The following CBR4 variants were observed in gnomAD, a reference collection of about 807,000 sequenced individuals.
CBR4 encodes carbonyl reductase 4, also known as 3-oxoacyl-[acyl-carrier-protein] reductase.
CBR4 carries 22 observed loss-of-function variants against 21.0 expected under a neutral mutation model. That is an observed-to-expected ratio of 1.05 (90% confidence interval 0.75 to 1.50). The LOEUF is 1.50. Among genes scored for constraint, CBR4 ranks in the 40% most tolerant of loss-of-function variants. The pLI, the probability that CBR4 is intolerant of heterozygous loss-of-function variation, is 0.00. For synonymous variants in CBR4, 100 were observed against 104.4 expected (o/e 0.96, Z 0.26); for missense variants, 302 against 286.3 (o/e 1.05, Z -0.40).
intron 2 of CBR4, among the ~76,000 whole-genome samples, chr4:168,947,580 C>T (rs1219095849): frequency 6.6e-6 from 1 of 152,182 alleles, no homozygotes; most frequent in Non-Finnish European, 1.5e-5. Flanking sequence ...CTGTGTCATT[C>T]TTATGCCCTT....
chr4:168,955,153 G>C (rs893443937), intron 2 of CBR4, among the ~76,000 whole-genome samples: 1 of 152,194 alleles, frequency 6.6e-6, no homozygotes, highest in Non-Finnish European at 1.5e-5. Context: ...CTATATTGGA[G>C]GATGGCAGGA....
intron 2 of CBR4, among the ~76,000 whole-genome samples, chr4:168,935,462 A>G (rs1763084230): frequency 6.6e-6 from 1 of 152,134 alleles, no homozygotes; most frequent in Non-Finnish European, 1.5e-5. Flanking sequence ...CAAGTGGTCT[A>G]GCTCAGTGGA....
chr4:168,900,452 A>G (rs971032090), intron 2 of CBR4, among the ~76,000 whole-genome samples: 1 of 152,244 alleles, frequency 6.6e-6, no homozygotes, highest in African/African-American at 2.4e-5. Flanking sequence ...AAAAATACAA[A>G]TTTATAAAAT....
chr4:168,932,322 A>AG (rs1762993823), intron 2 of CBR4, among the ~76,000 whole-genome samples: 1 of 152,058 alleles, frequency 6.6e-6, no homozygotes, highest in Admixed American at 6.5e-5. Context: ...GAGCTTCAAC[A>AG]ACAGATTAGA....
At position 168,997,656 on chromosome 4, in the gene CBR4, T is replaced by C. The variant is rs536180075; in HGVS notation, c.535+4415A>G. Reference sequence around the variant, plus strand: ...TCCTTTATCGATTTCTGACTAGCTATAAACTATAAATAGAAACACCTCATT... The same window carrying C: ...TCCTTTATCGATTTCTGACTAGCTACAAACTATAAATAGAAACACCTCATT... On this transcript the variant is annotated intron_variant, in intron 4 of 4. Coordinates refer to ENST00000306193, the MANE Select transcript of CBR4 (RefSeq NM_032783.5). Among the ~76,000 whole-genome samples, 109 of 152,340 alleles carry C rather than the reference T, an allele frequency of 7.2e-4. 3 individuals are homozygous for C. The highest frequency in any genetic ancestry group is 4.7e-4 in the Non-Finnish European group (32 of 68,036).
intron 2 of CBR4, among the ~76,000 whole-genome samples, chr4:168,981,115 C>T (rs1764532380): frequency 6.6e-6 from 1 of 151,898 alleles, no homozygotes; most frequent in South Asian, 2.1e-4. Context: ...TAAGAAAGAA[C>T]CAGGCCAGGC....
intron 2 of CBR4, among the ~76,000 whole-genome samples, chr4:168,972,331 T>C (rs1034504702): frequency 7.2e-5 from 11 of 152,336 alleles, no homozygotes; most frequent in African/African-American, 2.4e-4. Flanking sequence ...GTGATGATAT[T>C]ATGGCAGGAA....
intron 2 of CBR4, among the ~76,000 whole-genome samples, chr4:168,941,173 G>A (rs1353317721): frequency 1.3e-5 from 2 of 152,106 alleles, no homozygotes; most frequent in Non-Finnish European, 2.9e-5. Context: ...ACCACAGCCT[G>A]TCGGGGGTGG....
chr4:168,981,098 G>A (rs1436769548), intron 2 of CBR4, among the ~76,000 whole-genome samples: 1 of 152,046 alleles, frequency 6.6e-6, no homozygotes, highest in Admixed American at 6.6e-5. Context: ...TATGAAAATA[G>A]CCATTTTAAG....
chr4:169,009,968 G>C lies in CBR4; in HGVS notation c.122C>G (p.Ala41Gly), dbSNP rs1377028464. The change falls in exon 1 of 5, where the codon GCC becomes GGC. Residue 41 changes from alanine (A) to glycine (G), a missense_variant. Ala to Gly is a moderately conservative substitution (Grantham distance 60, BLOSUM62 0). Transcript: ENST00000306193. ...VIARNLEGAK[A>G]AAGDLGGDHL... ...CCTACCGCCGAGGTCACCGGCGGCGGCTTTGGCCCCTTCCAGGTTTCTGGC... is the reference window on the plus strand; with the variant it reads ...CCTACCGCCGAGGTCACCGGCGGCGCCTTTGGCCCCTTCCAGGTTTCTGGC... 7 of 1,612,364 alleles carry C rather than the reference G, an allele frequency of 4.3e-6. No homozygotes were observed. Among genetic ancestry groups the C allele is most frequent in the Non-Finnish European group, 5.9e-6 (7 of 1,179,468 alleles).
intron 4 of CBR4, among the ~76,000 whole-genome samples, chr4:168,991,062 G>T (rs1764899075): frequency 1.3e-5 from 2 of 151,946 alleles, no homozygotes; most frequent in Non-Finnish European, 2.9e-5. Flanking sequence ...CTCAAAAAAA[G>T]CAAAACAAAA....
At position 168,898,527 on chromosome 4, in the gene CBR4, T is replaced by C. The variant is rs757164572; in HGVS notation, n.170-3762A>G. 26 of 1,613,418 alleles carry C rather than the reference T, an allele frequency of 1.6e-5. No individual in the cohort carries two copies. Among genetic ancestry groups the C allele is most frequent in the Admixed American group, 3.3e-5 (2 of 60,002 alleles). ...GTCTCCAGCTGTGAACAGAGACTCA[T>C]CAGTGAAATAGAGTACAGGCTAGAA... On this transcript the variant is annotated intron_variant and non_coding_transcript_variant, in intron 2 of 3. Coordinates refer to the CBR4 transcript ENST00000509108.
At chr4:168,920,874 T>C (rs1761338181) in intron 2 of CBR4, among the ~76,000 whole-genome samples, 1 of 152,178 alleles carries the variant, frequency 6.6e-6, no homozygotes, top group Admixed American at 6.5e-5. Context: ...CAGCTGAGTA[T>C]TTGTTATTAT....
rs182271872 is a variant in CBR4 at position 169,004,688 on chromosome 4, C to T, written c.400+2067G>A. Among the ~76,000 whole-genome samples, 6 of 152,248 alleles carry T rather than the reference C, an allele frequency of 3.9e-5. No homozygotes were observed. The South Asian group carries it at 8.3e-4, about 21-fold the overall frequency. On this transcript the variant is annotated intron_variant, in intron 3 of 4. Transcript: ENST00000306193. ...CATTCTTGACATATTCGCTTTATTC[C>T]GGTGGAGCAGAACCAAAGCTACAAT...
intron 4 of CBR4, among the ~76,000 whole-genome samples, chr4:168,999,598 C>G (rs1176191062): frequency 3.1e-5 from 3 of 97,288 alleles, no homozygotes; most frequent in African/African-American, 7.9e-5. Context: ...GTTGTATGCT[C>G]AACAAAAAAG....
chr4:168,943,131 A>G (rs765974814), intron 2 of CBR4, among the ~76,000 whole-genome samples: 1 of 152,196 alleles, frequency 6.6e-6, no homozygotes, highest in Non-Finnish European at 1.5e-5. Flanking sequence ...TATCCAAAAG[A>G]AAGGAAATCA....
intron 2 of CBR4, among the ~76,000 whole-genome samples, chr4:168,914,597 A>T (rs1759719149): frequency 6.6e-6 from 1 of 152,050 alleles, no homozygotes; most frequent in Non-Finnish European, 1.5e-5. Context: ...CACTGATGGA[A>T]CAATGGTAGG....
chr4:168,978,618 C>T (rs1291118190), intron 2 of CBR4, among the ~76,000 whole-genome samples: 3 of 152,156 alleles, frequency 2.0e-5, no homozygotes, highest in African/African-American at 4.8e-5. Flanking sequence ...CCCCTGACCC[C>T]CTTCCCCTGT....
rs1368720665 is a variant in CBR4, at chr4:168,988,475, C to T, written c.*1675G>A. 9.5e-5 allele frequency: 94 copies of T among 985,260 alleles called. No individual in the cohort carries two copies. The highest frequency in any genetic ancestry group is 1.1e-4 in the Non-Finnish European group (93 of 829,948). 61.0% of individuals were successfully genotyped at this position (985,260 alleles called of 1,614,324 possible). On this transcript the variant is annotated 3_prime_UTR_variant, in exon 5 of 5. Transcript: ENST00000306193. Reference sequence around the variant, plus strand: ...AGAAGAAAACTCAAGACTGAATGGGCTGCCATAATGGGGAAGTACAGGTAG... The same window carrying T: ...AGAAGAAAACTCAAGACTGAATGGGTTGCCATAATGGGGAAGTACAGGTAG...
Sources: allele counts gnomAD v4.1 joint callset (sites outside exome capture counted in the v4.1 genomes callset), GRCh38; gene constraint gnomAD v4.1.1; transcripts MANE v1.5; gene names NCBI Gene and HGNC (gene_info 2026-07-23, HGNC 2026-07-21).